Variants in OCLN observed in about 807,000 individuals in gnomAD.
OCLN encodes the protein phosphatase 1, regulatory subunit 115.
OCLN carries 21 observed loss-of-function variants against 47.9 expected under a neutral mutation model. That is an observed-to-expected ratio of 0.44 (90% CI 0.31 to 0.63). The LOEUF is 0.63. Among genes scored for constraint, OCLN ranks in the 30% least tolerant of loss-of-function variants. The probability of loss-of-function intolerance (pLI) is 0.08; values close to 1 mark genes in which losing one functional copy is unlikely to be tolerated. For synonymous variants in OCLN, 117 were observed against 198.4 expected (o/e 0.59, Z 3.45); for missense variants, 360 against 571.0 (o/e 0.63, Z 3.77).
intron 1 of OCLN, among the ~76,000 whole-genome samples, chr5:69,496,026 C>G: frequency 6.6e-6 from 1 of 152,042 alleles, no homozygotes; most frequent in African/African-American, 2.4e-5. Flanking sequence ...CAAAATCTGC[C>G]TAACTTCAAA....
intron 3 of OCLN, among the ~76,000 whole-genome samples, chr5:69,510,901 C>G (rs150719108): frequency 1.3e-5 from 2 of 152,302 alleles, no homozygotes; most frequent in African/African-American, 4.8e-5. Context: ...TCCACATCCT[C>G]ACCAACACTT....
intron 4 of OCLN, among the ~76,000 whole-genome samples, chr5:69,519,569 C>T (rs1561342463): frequency 6.6e-6 from 1 of 152,040 alleles, no homozygotes; most frequent in Non-Finnish European, 1.5e-5. Flanking sequence ...CAGATGGATA[C>T]CAGTTTGTAT....
chr5:69,548,523 T>C (rs927939845), intron 7 of OCLN, among the ~76,000 whole-genome samples: 3 of 146,576 alleles, frequency 2.0e-5, no homozygotes, highest in African/African-American at 7.5e-5. Flanking sequence ...GGTTTCACCA[T>C]GTTAGCCAGG....
At chr5:69,521,805 C>A (rs1187498504) in intron 4 of OCLN, among the ~76,000 whole-genome samples, 1 of 152,180 alleles carries the variant, frequency 6.6e-6, no homozygotes, top group African/African-American at 2.4e-5. Flanking sequence ...AATAAAGTTT[C>A]ATTTTCAAAA....
In OCLN at chr5:69,548,438, C is replaced by T. The variant is rs1279430850; in HGVS notation, c.1425+337C>T. ...ACGCCATTCTCCTGACTCAGCCTCC[C>T]AAGTAGCTGGGATTACAGGTGCCTG... On this transcript the variant is annotated intron_variant, in intron 7 of 8. Coordinates refer to ENST00000396442, the MANE Select transcript of OCLN (RefSeq NM_001205254.2). 1.3e-5 allele frequency among the ~76,000 whole-genome samples: 2 copies of T among 150,186 alleles called. 1 individual carries two copies. Among genetic ancestry groups the T allele is most frequent in the Non-Finnish European group, 3.0e-5 (2 of 67,448 alleles).
At chr5:69,500,283 C>G (rs1246090323) in intron 1 of OCLN, among the ~76,000 whole-genome samples, 3 of 152,196 alleles carry the variant, frequency 2.0e-5, no homozygotes, top group African/African-American at 7.2e-5. Flanking sequence ...GATTCTTTCT[C>G]TCTGCATTCC....
chr5:69,509,064 T>C, intron 2 of OCLN, 77 bp from the exon 3 acceptor site: 1 of 1,230,330 alleles, frequency 8.1e-7, no homozygotes, highest in Non-Finnish European at 1.2e-6. Flanking sequence ...ATGGTTTAAA[T>C]TATTCCAAAT....
At chr5:69,504,068 C>T in intron 1 of OCLN, 109 bp from the exon 2 acceptor site, 1 of 648,310 alleles carries the variant, frequency 1.5e-6, no homozygotes, top group Non-Finnish European at 2.8e-6. Flanking sequence ...CCACTGCACT[C>T]CAGCCTGGGT....
chr5:69,504,354 G>A, intron 2 of OCLN, 60 bp downstream of exon 2: 1 of 1,005,260 alleles, frequency 9.9e-7, no homozygotes, highest in South Asian at 1.3e-5. Context: ...TAAACAATAA[G>A]TATGGTTGAA....
At chr5:69,499,653 C>T (rs992317201) in intron 1 of OCLN, among the ~76,000 whole-genome samples, 6 of 151,846 alleles carry the variant, frequency 4.0e-5, no homozygotes, top group Non-Finnish European at 5.9e-5. Context: ...GGCGTGACCT[C>T]AGCTCACTGC....
At chr5:69,502,374 C>G (rs1179126498) in intron 1 of OCLN, 1 of 152,058 alleles carries the variant, frequency 6.6e-6, no homozygotes, top group Non-Finnish European at 1.5e-5. Flanking sequence ...GGGATCATAC[C>G]TTTTAAAGTT....
At chr5:69,521,663 C>T (rs1359738940) in intron 4 of OCLN, among the ~76,000 whole-genome samples, 1 of 152,140 alleles carries the variant, frequency 6.6e-6, no homozygotes, top group Non-Finnish European at 1.5e-5. Flanking sequence ...CAAGGGATTA[C>T]CAAGTTGCAT....
chr5:69,499,569 CTT>C (rs1309114924), intron 1 of OCLN, among the ~76,000 whole-genome samples: 1 of 151,784 alleles, frequency 6.6e-6, no homozygotes, highest in Admixed American at 6.6e-5. Flanking sequence ...TTCTTGAAGA[CTT>C]TTTCTTGTGG....
At chr5:69,522,482 A>G (rs957873799) in intron 4 of OCLN, among the ~76,000 whole-genome samples, 2 of 152,168 alleles carry the variant, frequency 1.3e-5, no homozygotes, top group African/African-American at 4.8e-5. Context: ...TACAATTTAT[A>G]TACCATACAT....
chr5:69,507,878 T>C (rs1768652200), intron 2 of OCLN, among the ~76,000 whole-genome samples: 1 of 152,224 alleles, frequency 6.6e-6, no homozygotes, highest in African/African-American at 2.4e-5. Flanking sequence ...AGTGCTGGGA[T>C]TACAGGCGTG....
Position 69,514,123 on chromosome 5 carries a change from A to G in OCLN, c.891+14A>G. On this transcript the variant is annotated intron_variant, in intron 4 of 8. Coordinates refer to ENST00000396442, the MANE Select transcript of OCLN (RefSeq NM_001205254.2). ...GTCGAGGAGTGGGTAAGTGTTAAAA[A>G]ATAACTTTACATCTTTTATTAAAGC... 1 of 1,612,274 alleles carries G rather than the reference A, an allele frequency of 6.2e-7. No individual in the cohort carries two copies. The highest frequency in any genetic ancestry group is 8.5e-7 in the Non-Finnish European group (1 of 1,178,328).
At chr5:69,524,913 C>T (rs1769235530) in intron 4 of OCLN, among the ~76,000 whole-genome samples, 1 of 152,080 alleles carries the variant, frequency 6.6e-6, no homozygotes, top group Admixed American at 6.5e-5. Context: ...TCTCAAACTC[C>T]TGACCTCAAG....
chr5:69,506,927 A>G (rs184004682), intron 2 of OCLN, among the ~76,000 whole-genome samples: 1 of 152,294 alleles, frequency 6.6e-6, no homozygotes, highest in East Asian at 1.9e-4. Context: ...ACATAAAGAA[A>G]AGGACACAGA....
chr5:69,528,664 C>G (rs1215612494), intron 4 of OCLN, among the ~76,000 whole-genome samples: 1 of 152,172 alleles, frequency 6.6e-6, no homozygotes, highest in Non-Finnish European at 1.5e-5. Flanking sequence ...CTCCCCTCTG[C>G]TACTTTACCT....
Sources: gnomAD v4.1 joint callset for allele counts (sites outside exome capture counted in the v4.1 genomes callset) on GRCh38, gnomAD v4.1.1 for gene constraint, MANE v1.5 for transcripts, NCBI Gene and HGNC (gene_info 2026-07-23, HGNC 2026-07-21) for gene names.